CDYL2: variants seen among roughly 807,000 people sequenced by gnomAD.
The protein encoded by CDYL2 is chromodomain Y like 2, also known as chromodomain Y-like protein 2.
A neutral mutation model predicts 49.4 loss-of-function variants in CDYL2; 23 were observed. That is an observed-to-expected ratio of 0.47 (90% confidence interval 0.34 to 0.66). The LOEUF is 0.66. Ranked by LOEUF, CDYL2 falls within the 30% of genes least tolerant of loss-of-function variation. The pLI is 0.01. For missense variants in CDYL2, 678 were observed against 656.4 expected (o/e 1.03, Z -0.36); for synonymous variants, 360 against 268.8 (o/e 1.34, Z -3.32).
intron 1 of CDYL2, among the ~76,000 whole-genome samples, chr16:80,765,228 A>C (rs985947147): frequency 6.7e-6 from 1 of 149,616 alleles, no homozygotes; most frequent in Non-Finnish European, 1.5e-5. Context: ...TCTTGCATAC[A>C]TGATTTCCTA....
intron 1 of CDYL2, among the ~76,000 whole-genome samples, chr16:80,685,779 C>A (rs761202776): frequency 2.0e-5 from 3 of 152,194 alleles, no homozygotes; most frequent in Non-Finnish European, 2.9e-5. Flanking sequence ...TAACCAAGTT[C>A]CAGAATGGTA....
chr16:80,753,387 T>C (rs9940148), intron 1 of CDYL2, among the ~76,000 whole-genome samples: 45,575 of 151,736 alleles, frequency 0.3, 7,923 homozygotes, highest in African/African-American at 0.49. Context: ...GGTGGGCGGA[T>C]CACCTGAAGT....
intron 2 of CDYL2, among the ~76,000 whole-genome samples, chr16:80,644,009 G>A (rs1468846846): frequency 1.3e-5 from 2 of 152,148 alleles, no homozygotes; most frequent in African/African-American, 2.4e-5. Flanking sequence ...CACATTGTCA[G>A]GCTACAAATT....
At chr16:80,623,330 G>A (rs534213667) in intron 3 of CDYL2, among the ~76,000 whole-genome samples, 25 of 152,278 alleles carry the variant, frequency 1.6e-4, no homozygotes, top group Admixed American at 3.3e-4. Context: ...CTCCCTATTT[G>A]TAAAATTCAG....
chr16:80,605,009 C>G (rs906511281), intron 6 of CDYL2, among the ~76,000 whole-genome samples: 5 of 152,166 alleles, frequency 3.3e-5, no homozygotes, highest in African/African-American at 9.7e-5. Context: ...CGTGTTCAGG[C>G]TACAATGTTA....
chr16:80,655,862 G>A (rs752143272), intron 2 of CDYL2, among the ~76,000 whole-genome samples: 1 of 152,152 alleles, frequency 6.6e-6, no homozygotes, highest in Non-Finnish European at 1.5e-5. Context: ...AGTCCTCGAG[G>A]TCCCTCTCCT....
chr16:80,741,003 C>T (rs980469916), intron 1 of CDYL2, among the ~76,000 whole-genome samples: 4 of 151,428 alleles, frequency 2.6e-5, no homozygotes, highest in Non-Finnish European at 5.9e-5. Flanking sequence ...AAGTAAATAA[C>T]AAACAGGAAT....
At chr16:80,686,404 T>G (rs2142478930) in intron 1 of CDYL2, among the ~76,000 whole-genome samples, 1 of 152,360 alleles carries the variant, frequency 6.6e-6, no homozygotes, top group South Asian at 2.1e-4. Flanking sequence ...AAGTAAGCAG[T>G]TATATTCAAA....
chr16:80,763,802 G>A (rs1210120684), intron 1 of CDYL2, among the ~76,000 whole-genome samples: 2 of 152,200 alleles, frequency 1.3e-5, no homozygotes, highest in African/African-American at 4.8e-5. Flanking sequence ...AGGTACTGCT[G>A]TATCAAAAAA....
At chr16:80,669,253 G>A (rs775117829) in intron 2 of CDYL2, among the ~76,000 whole-genome samples, 11 of 152,088 alleles carry the variant, frequency 7.2e-5, no homozygotes, top group Non-Finnish European at 1.5e-4. Flanking sequence ...GCCTGGCCGA[G>A]CAGAGGAAGC....
At position 80,604,308 on chromosome 16, in the gene CDYL2, T is replaced by C. The variant is rs1031593764; in HGVS notation, c.*80A>G. 5.3e-6 allele frequency: 8 copies of C among 1,515,672 alleles called. No individual in the cohort carries two copies. In the East Asian group the frequency reaches 1.8e-4, roughly 34 times the overall value. The allele number at this position is 1,515,672 out of a possible 1,614,324, so 93.9% of individuals were successfully genotyped here. On this transcript the variant is annotated 3_prime_UTR_variant, in exon 7 of 7. Transcript: ENST00000570137. ...ATAAAGAGACACCTTGACAAACTCC[T>C]TGGCCGGGGCAGACACTGTGCTCTG... is the stretch of plus-strand genomic sequence containing the variant.
chr16:80,795,392 G>A (rs1302843530), intron 1 of CDYL2, among the ~76,000 whole-genome samples: 4 of 152,102 alleles, frequency 2.6e-5, no homozygotes, highest in South Asian at 2.1e-4. Context: ...AGAGAAACTG[G>A]GACATAAAAT....
intron 1 of CDYL2, among the ~76,000 whole-genome samples, chr16:80,781,161 A>T (rs1211909210): frequency 7.9e-5 from 12 of 152,206 alleles, no homozygotes; most frequent in Non-Finnish European, 1.8e-4. Context: ...CACAATACAC[A>T]TCACATCAGA....
intron 2 of CDYL2, among the ~76,000 whole-genome samples, chr16:80,667,469 C>A (rs1458116454): frequency 2.0e-5 from 3 of 152,184 alleles, no homozygotes; most frequent in Admixed American, 2.0e-4. Flanking sequence ...TTATGCATCA[C>A]CTCCTCCAAG....
At chr16:80,775,807 T>A (rs151071029) in intron 1 of CDYL2, among the ~76,000 whole-genome samples, 472 of 151,702 alleles carry the variant, frequency 3.1e-3, no homozygotes, top group African/African-American at 0.011. Flanking sequence ...TTACTTGATA[T>A]AGTACTTAAT....
At chr16:80,744,853 G>A (rs1429867884) in intron 1 of CDYL2, among the ~76,000 whole-genome samples, 1 of 152,140 alleles carries the variant, frequency 6.6e-6, no homozygotes, top group African/African-American at 2.4e-5. Context: ...GGACAGTCCT[G>A]GATCCCCACC....
rs1258312526 is a variant in CDYL2, at chr16:80,684,657, T to A, written c.497A>T (p.Asp166Val). Residue 166 changes from aspartate (D) to valine (V), a missense_variant, in exon 2 of 7, where the codon GAT becomes GTT. Asp to Val is a radical substitution (Grantham distance 152). Around this residue, in one of 3 missense-constraint regions of CDYL2, gnomAD observed 478 missense variants for 427.0 expected, o/e 1.12. Coordinates refer to ENST00000570137, the MANE Select transcript of CDYL2 (RefSeq NM_152342.4). Reference protein sequence around the residue: ...MENGDAGSEKDERHFGNGSHQ... With the variant: ...MENGDAGSEKVERHFGNGSHQ... ...GGACCCATTTCCAAAGTGCCTCTCA[T>A]CCTTCTCAGAGCCGGCGTCCCCATT... The A allele has an allele frequency of 2.5e-6, 4 of 1,614,034 alleles. No homozygotes were observed. Among genetic ancestry groups the A allele is most frequent in the African/African-American group, 1.3e-5 (1 of 74,926 alleles).
intron 1 of CDYL2, among the ~76,000 whole-genome samples, chr16:80,791,732 G>T (rs990789328): frequency 2.0e-5 from 3 of 152,176 alleles, no homozygotes; most frequent in African/African-American, 7.2e-5. Flanking sequence ...TCTCTGGATT[G>T]AATACATGCT....
At chr16:80,693,031 G>A (rs1910478313) in intron 1 of CDYL2, among the ~76,000 whole-genome samples, 1 of 151,402 alleles carries the variant, frequency 6.6e-6, no homozygotes, top group Non-Finnish European at 1.5e-5. Flanking sequence ...AAACTCACAG[G>A]CATTATGCTG....
Sources: allele counts gnomAD v4.1 joint callset (sites outside exome capture counted in the v4.1 genomes callset), GRCh38; gene constraint gnomAD v4.1.1; regional missense constraint gnomAD v4.1.1; transcripts MANE v1.5; gene names NCBI Gene and HGNC (gene_info 2026-07-23, HGNC 2026-07-21).